Variants in PEG3 observed in about 807,000 individuals in gnomAD.
The protein encoded by PEG3 is paternally-expressed gene 3 protein.
PEG3 carries 23 observed loss-of-function variants against 35.5 expected under a neutral mutation model. The ratio of observed to expected loss-of-function variants is 0.65; its 90% confidence interval spans 0.47 to 0.92. PEG3 has a LOEUF of 0.92. Ranked by LOEUF, PEG3 falls within the 40% of genes least tolerant of loss-of-function variation. PEG3 has a pLI of 0.00. For synonymous variants in PEG3, 707 were observed against 697.0 expected (o/e 1.01, Z -0.23); for missense variants, 1,960 against 1,985.3 (o/e 0.99, Z 0.24).
At chr19:56,825,350 C>T (rs2060917885) in intron 3 of PEG3, among the ~76,000 whole-genome samples, 1 of 152,208 alleles carries the variant, frequency 6.6e-6, no homozygotes, top group Non-Finnish European at 1.5e-5. Context: ...TGAGAAGTGA[C>T]CATTGAGCCT....
At position 56,821,989 on chromosome 19, in the gene PEG3, G is replaced by A. The variant is rs531795791; in HGVS notation, c.566-235C>T. 1.3e-4 allele frequency among the ~76,000 whole-genome samples: 20 copies of A among 152,240 alleles called. No individual in the cohort carries two copies. The East Asian group carries it at 2.9e-3, about 22-fold the overall frequency. On this transcript the variant is annotated intron_variant, in intron 6 of 9. Transcript: ENST00000326441. ...GCCTCATCCTTCTGCTCCCAGTCTC[G>A]GAGGTGGTTCAGATTGTGCCCAAGC...
At chr19:56,824,934 G>A (rs2060875610) in intron 3 of PEG3, 193 bp from the exon 4 acceptor site, 6 of 357,970 alleles carry the variant, frequency 1.7e-5, no homozygotes, top group Non-Finnish European at 3.1e-5. Context: ...AGACCTACTC[G>A]AGGAGTTAGC....
rs745816844 is a variant in PEG3, at chr19:56,814,344, A to G, written c.4098T>C (p.Ala1366=). The G allele has an allele frequency of 5.0e-6, 8 of 1,613,184 alleles. No individual in the cohort carries two copies. Among genetic ancestry groups the G allele is most frequent in the African/African-American group, 4.0e-5 (3 of 74,908 alleles). ...EEEEEDEAAA[A]AAAAAQEVEA... ...CAACTTCCTGGGCTGCTGCTGCTGC[A>G]GCTGCTGCTGCTTCATCTTCTTCTT... is the stretch of plus-strand genomic sequence containing the variant. Residue 1366 remains alanine (A), a synonymous_variant, in exon 10 of 10, where the codon GCT becomes GCC. Transcript: ENST00000326441. The surrounding 1 kb of genome is among the most constrained non-coding windows in gnomAD (Gnocchi z 5.8).
chr19:56,824,714 C>T lies in PEG3; in HGVS notation c.-59G>A. The T allele has an allele frequency of 6.7e-7, 1 of 1,489,502 alleles. No individual in the cohort carries two copies. The highest frequency in any genetic ancestry group is 2.3e-5 in the East Asian group (1 of 44,012). 92.3% of individuals were successfully genotyped at this position (1,489,502 alleles called of 1,614,324 possible). On this transcript the variant is annotated 5_prime_UTR_variant, in exon 4 of 10. Coordinates refer to ENST00000326441, the MANE Select transcript of PEG3 (RefSeq NM_006210.3). ...ACATGAGTCAACAGGAAAGACGCGG[C>T]AGCCTGTGACCGTCAGTACTCAGGG...
Position 56,821,948 on chromosome 19 carries a change from C to T in PEG3, c.566-194G>A, listed in dbSNP as rs374431176. ...GCCCTACAACAACCCAGACCCAGGG[C>T]AGGGCCAGGGGCCCTGCCTCATCCT... On this transcript the variant is annotated intron_variant, in intron 6 of 9. Transcript: ENST00000326441. Among the ~76,000 whole-genome samples, 84 of 152,022 alleles carry T rather than the reference C, an allele frequency of 5.5e-4. 1 individual carries two copies. The highest frequency in any genetic ancestry group is 2.0e-3 in the African/African-American group (81 of 41,484).
At position 56,816,161 on chromosome 19, in the gene PEG3, T is replaced by C. The variant is rs778952352; in HGVS notation, c.2281A>G (p.Lys761Glu). The change falls in exon 10 of 10, where the codon AAG (lysine) becomes GAG (glutamate). Residue 761 changes from lysine (K) to glutamate (E), a missense_variant. Transcript: ENST00000326441. ...TISSNPYENQ[K>E]IPTKENVYEA... ...TAGACATTTTCCTTAGTGGGAATCT[T>C]CTGGTTTTCATAGGGGTTAGAGCTA... The C allele has an allele frequency of 8.7e-6, 14 of 1,614,066 alleles. No homozygotes were observed. In the East Asian group the frequency reaches 2.9e-4, roughly 33 times the overall value.
At chr19:56,833,507 C>T in intron 2 of PEG3, 1 of 263,696 alleles carries the variant, frequency 3.8e-6, no homozygotes, top group Non-Finnish European at 7.5e-6. Context: ...AGTTTAAATG[C>T]CCGACACTCA....
At chr19:56,820,031 A>T (rs1601001662) in intron 7 of PEG3, among the ~76,000 whole-genome samples, 1 of 152,212 alleles carries the variant, frequency 6.6e-6, no homozygotes, top group Admixed American at 6.5e-5. Context: ...TTCTTTTTTC[A>T]CATGAAAGAA....
At position 56,816,015 on chromosome 19, in the gene PEG3, G is replaced by A. The variant is rs563761920; in HGVS notation, c.2427C>T (p.Ser809=). Residue 809 remains serine (S), a synonymous_variant, in exon 10 of 10, where the codon AGC becomes AGT. Transcript: ENST00000326441. ...PKVMAESTIQ[S]FDAINHQRVR... ...CTCTCTGATGGTTGATAGCATCGAA[G>A]CTCTGAATGGTAGACTCTGCCATTA... The A allele has an allele frequency of 1.9e-6, 3 of 1,590,740 alleles. No individual in the cohort carries two copies. Among genetic ancestry groups the A allele is most frequent in the East Asian group, 2.2e-5 (1 of 44,712 alleles).
chr19:56,810,157 C>T lies in PEG3; in HGVS notation c.*3518G>A. 3.1e-6 allele frequency: 3 copies of T among 979,630 alleles called. No individual in the cohort carries two copies. The South Asian group carries it at 1.4e-4, about 46-fold the overall frequency. 60.7% of individuals were successfully genotyped at this position (979,630 alleles called of 1,614,324 possible). A position where few individuals can be genotyped will look rare whatever the true frequency, so the allele number is the denominator to read the frequency against. On this transcript the variant is annotated 3_prime_UTR_variant, in exon 10 of 10. Transcript: ENST00000326441. The stretch of plus-strand genomic sequence containing the variant: ...CACAACCATATTAACAAACCAAAAA[C>T]CTGTGCACAGAAACAAGATGAAGAA...
rs2059637963 is a variant in PEG3, at chr19:56,812,935, G to A, written c.*740C>T. On this transcript the variant is annotated 3_prime_UTR_variant, in exon 10 of 10. Transcript: ENST00000326441. ...GTCACAAAAAGCCAATCCGTATATT[G>A]TAAAGCCTTACACAGTATTAGGTTC... 3.0e-6 allele frequency: 3 copies of A among 985,674 alleles called. No individual in the cohort carries two copies. The highest frequency in any genetic ancestry group is 3.6e-6 in the Non-Finnish European group (3 of 829,854). The allele number at this position is 985,674 out of a possible 1,614,324, so 61.1% of individuals were successfully genotyped here. A position where few individuals can be genotyped will look rare whatever the true frequency, so the allele number is the denominator to read the frequency against.
At chr19:56,833,054 G>A (rs2061726371) in intron 2 of PEG3, 2 of 436,878 alleles carry the variant, frequency 4.6e-6, no homozygotes, top group South Asian at 3.3e-5. Flanking sequence ...AGAAATGATG[G>A]GTCAGTGTTC....
Position 56,810,113 on chromosome 19 carries a change from C to T in PEG3, c.*3562G>A, listed in dbSNP as rs1237838054. The T allele has an allele frequency of 1.5e-5, 14 of 947,240 alleles. No individual in the cohort carries two copies. Among genetic ancestry groups the T allele is most frequent in the Non-Finnish European group, 1.6e-5 (13 of 795,184 alleles). 58.7% of individuals were successfully genotyped at this position (947,240 alleles called of 1,614,324 possible). On this transcript the variant is annotated 3_prime_UTR_variant, in exon 10 of 10. Coordinates refer to ENST00000326441, the MANE Select transcript of PEG3 (RefSeq NM_006210.3). ...TTTAACTTTATTTTTATTGTTGACA[C>T]TATTACAGATAGAATGACCACAACC...
intron 7 of PEG3, among the ~76,000 whole-genome samples, chr19:56,820,446 C>T (rs1293148169): frequency 6.6e-6 from 1 of 152,152 alleles, no homozygotes; most frequent in Non-Finnish European, 1.5e-5. Flanking sequence ...AAAAGCAAAA[C>T]AAGACAAAGC....
intron 1 of PEG3, among the ~76,000 whole-genome samples, chr19:56,836,824 T>A (rs1464319387): frequency 6.6e-6 from 1 of 151,826 alleles, no homozygotes; most frequent in Non-Finnish European, 1.5e-5. Context: ...TAAAATTAGA[T>A]GGGCATGGTG....
chr19:56,834,026 T>C (rs1305126810), intron 2 of PEG3, among the ~76,000 whole-genome samples: 1 of 152,206 alleles, frequency 6.6e-6, no homozygotes, highest in Non-Finnish European at 1.5e-5. Flanking sequence ...GAGGAAATAA[T>C]ATCTAAGAGT....
intron 1 of PEG3, among the ~76,000 whole-genome samples, chr19:56,837,305 C>G (rs781049003): frequency 2.0e-5 from 3 of 152,102 alleles, no homozygotes; most frequent in Non-Finnish European, 2.9e-5. Context: ...ATGCACTGCC[C>G]CTCTCAGGAC....
In PEG3 at chr19:56,812,527, T is replaced by G. The variant is rs927827342; in HGVS notation, c.*1148A>C. 1.0e-6 allele frequency: 1 copy of G among 985,566 alleles called. No individual in the cohort carries two copies. Among genetic ancestry groups the G allele is most frequent in the African/African-American group, 1.7e-5 (1 of 57,208 alleles). The allele number at this position is 985,566 out of a possible 1,614,324, so 61.1% of individuals were successfully genotyped here. A position where few individuals can be genotyped will look rare whatever the true frequency, so the allele number is the denominator to read the frequency against. ...CTAAGGATACTAGCTCCTGGGCACC[T>G]AGGGTGCAAACTGACTTGTGGCAGC... On this transcript the variant is annotated 3_prime_UTR_variant, in exon 10 of 10. Transcript: ENST00000326441.
chr19:56,819,863 A>AG (rs2060310310), intron 7 of PEG3, among the ~76,000 whole-genome samples: 1 of 152,218 alleles, frequency 6.6e-6, no homozygotes, highest in African/African-American at 2.4e-5. Flanking sequence ...AGCAAAAAAA[A>AG]GAGGACTTGC....
Sources: allele counts gnomAD v4.1 joint callset (sites outside exome capture counted in the v4.1 genomes callset), GRCh38; gene constraint gnomAD v4.1.1; non-coding constraint Gnocchi (gnomAD v3.1); transcripts MANE v1.5; gene names NCBI Gene and HGNC (gene_info 2026-07-23, HGNC 2026-07-21).